The following NBPF10 variants were observed in gnomAD, a reference collection of about 807,000 sequenced individuals.
The protein encoded by NBPF10 is NBPF family member NBPF10.
Under a neutral mutation model 77.9 loss-of-function variants are expected in NBPF10, and 63 were observed. The observed-to-expected ratio is 0.81, with a 90% confidence interval of 0.66 to 1.00. The LOEUF (loss-of-function observed/expected upper bound fraction) is 1.00, where lower values mean the gene tolerates loss of function less well. Among genes scored for constraint, NBPF10 ranks in the 50% least tolerant of loss-of-function variants. NBPF10 has a pLI of 0.00. For synonymous variants in NBPF10, 146 were observed against 264.5 expected, an observed-to-expected ratio of 0.55 and a Z score of 4.35; for missense variants, 522 against 679.8, an observed-to-expected ratio of 0.77 and a Z score of 2.58.
chr1:146,125,960 G>T (rs1447084385), intron 14 of NBPF10, among the ~76,000 whole-genome samples: 2 of 151,612 alleles, frequency 1.3e-5, no homozygotes, highest in African/African-American at 2.4e-5. Context: ...AATCAGAGTT[G>T]TGTGAATTTG....
intron 7 of NBPF10, among the ~76,000 whole-genome samples, chr1:146,136,027 G>A (rs868911379): frequency 1.0e-2 from 1,489 of 149,150 alleles, no homozygotes; most frequent in Admixed American, 0.017. Context: ...CTCACTAAGG[G>A]TAAGTGGGGT....
chr1:146,069,613 T>A (rs1484388202), exon 86 of NBPF10: 4 of 1,569,254 alleles, frequency 2.5e-6, no homozygotes, highest in Non-Finnish European at 3.5e-6. Context: ...AGGGCTGGCA[T>A]GAGTCACACA....
At chr1:146,069,554 A>G (rs1571113485) in exon 86 of NBPF10, 6 of 1,032,976 alleles carry the variant, frequency 5.8e-6, no homozygotes, top group South Asian at 2.5e-5. Flanking sequence ...ATCCATGTCA[A>G]CAGCCAAGCC....
intron 89 of NBPF10, 137 bp downstream of exon 89, chr1:146,067,043 T>G: frequency 1.9e-6 from 1 of 526,928 alleles, no homozygotes; most frequent in Non-Finnish European, 3.5e-6. Context: ...TCTACTGCAA[T>G]GAAAACCAAC....
exon 86 of NBPF10, chr1:146,069,615 A>C (rs1655599469): frequency 1.3e-6 from 2 of 1,569,780 alleles, no homozygotes; most frequent in African/African-American, 3.0e-5. Context: ...GGCTGGCATG[A>C]GTCACACAGT....
At chr1:146,121,832 C>A (rs1270960674) in intron 19 of NBPF10, among the ~76,000 whole-genome samples, 162 bp from the exon 20 acceptor site, 1 of 148,056 alleles carries the variant, frequency 6.8e-6, no homozygotes, top group Non-Finnish European at 1.5e-5. Flanking sequence ...TAGAACAGGG[C>A]CAGGTAGAAA....
intron 7 of NBPF10, among the ~76,000 whole-genome samples, chr1:146,136,013 G>T (rs377461205): frequency 1.1e-3 from 166 of 149,994 alleles, no homozygotes; most frequent in South Asian, 8.2e-3. Context: ...GTCAGGAGGT[G>T]ATTCTCACTA....
At chr1:146,137,024 T>C (rs1659785966) in intron 6 of NBPF10, among the ~76,000 whole-genome samples, 4 of 124,644 alleles carry the variant, frequency 3.2e-5, no homozygotes, top group African/African-American at 1.0e-4. Flanking sequence ...CAAATGCTAA[T>C]AAAGTTTGTG....
At chr1:146,066,863 C>T (rs1179541613) in intron 89 of NBPF10, among the ~76,000 whole-genome samples, 3 of 150,988 alleles carry the variant, frequency 2.0e-5, no homozygotes, top group Non-Finnish European at 3.0e-5. Context: ...TGACTTAGTG[C>T]CCTCATGACA....
At chr1:146,125,925 T>C (rs1974317) in intron 14 of NBPF10, among the ~76,000 whole-genome samples, 1 of 151,614 alleles carries the variant, frequency 6.6e-6, no homozygotes, top group Non-Finnish European at 1.5e-5. Flanking sequence ...GGATGAAATC[T>C]ACAAGATCTA....
exon 90 of NBPF10, chr1:146,064,815 G>A (rs1204141855): frequency 1.8e-5 from 1 of 56,890 alleles, no homozygotes; most frequent in East Asian, 3.8e-4. Context: ...ATAGGCAAAA[G>A]GTTTTAATTG....
rs1475164587 is a variant in NBPF10, at chr1:146,142,229, T to C, written c.279-411A>G. Among the ~76,000 whole-genome samples, 4 of 109,566 alleles carry C rather than the reference T, an allele frequency of 3.7e-5. 1 individual carries two copies. Among genetic ancestry groups the C allele is most frequent in the Non-Finnish European group, 8.2e-5 (4 of 48,566 alleles). 71.9% of individuals were successfully genotyped at this position (109,566 alleles called of 152,430 possible). ...GTGCAGATGGGGCGAATTGAAAAGA[T>C]GAAAGAAGAAAAGAAGGACAGGGTC... On this transcript the variant is annotated intron_variant, in intron 2 of 89. Coordinates refer to ENST00000583866, the Ensembl canonical transcript of NBPF10.
chr1:146,067,165 A>G lies in NBPF10; in HGVS notation c.11144+15T>C. On this transcript the variant is annotated intron_variant, in intron 89 of 89. Transcript: ENST00000583866. Reference sequence around the variant, plus strand: ...GTTAACACAGAACTAAGGATCCACAATTGCTGAAAGTCACCTGGGGCATGG... The same window carrying G: ...GTTAACACAGAACTAAGGATCCACAGTTGCTGAAAGTCACCTGGGGCATGG... 3 of 616,704 alleles carry G rather than the reference A, an allele frequency of 4.9e-6. 1 individual carries two copies. Among genetic ancestry groups the G allele is most frequent in the Non-Finnish European group, 6.0e-6 (2 of 331,260 alleles). The allele number at this position is 616,704 out of a possible 1,614,324, so 38.2% of individuals were successfully genotyped here.
In NBPF10 at chr1:146,067,713, A is replaced by C. The variant is rs1251833293; in HGVS notation, c.11035+290T>G. On this transcript the variant is annotated intron_variant, in intron 88 of 89. Transcript: ENST00000583866. ...AAGGAAATCTACAAACCCTTGAGTC[A>C]AAATCACAGTTCTCTGAATTTGTCA... Among the ~76,000 whole-genome samples the C allele has an allele frequency of 6.7e-4, 101 of 150,074 alleles. 1 individual carries two copies. Among genetic ancestry groups the C allele is most frequent in the Non-Finnish European group, 7.9e-4 (53 of 67,444 alleles).
rs1475921209 is a variant in NBPF10 at position 146,142,243 on chromosome 1, A to G, written c.278+407T>C. On this transcript the variant is annotated intron_variant, in intron 2 of 89. Coordinates refer to ENST00000583866, the Ensembl canonical transcript of NBPF10. ...AATTGAAAAGATGAAAGAAGAAAAG[A>G]AGGACAGGGTCGAGGAGGCAACATT... Among the ~76,000 whole-genome samples the G allele has an allele frequency of 8.0e-5, 9 of 112,652 alleles. 3 individuals carry two copies. The highest frequency in any genetic ancestry group is 1.6e-4 in the Non-Finnish European group (8 of 50,090). The allele number at this position is 112,652 out of a possible 152,430, so 73.9% of individuals were successfully genotyped here. A position where few individuals can be genotyped will look rare whatever the true frequency, so the allele number is the denominator to read the frequency against.
chr1:146,069,897 G>A (rs1655652438), intron 85 of NBPF10, among the ~76,000 whole-genome samples, 182 bp from the exon 86 acceptor site: 1 of 114,066 alleles, frequency 8.8e-6, no homozygotes, highest in Non-Finnish European at 1.9e-5. Flanking sequence ...AACAATGAAA[G>A]AGAAAGACAG....
exon 90 of NBPF10, chr1:146,066,510 T>G: frequency 1.4e-6 from 1 of 689,844 alleles, no homozygotes; most frequent in Non-Finnish European, 2.3e-6. Flanking sequence ...ATCTATCCAG[T>G]GAGTCCTGTA....
intron 6 of NBPF10, 82 bp from the exon 7 acceptor site, chr1:146,136,537 C>G: frequency 1.1e-6 from 1 of 927,778 alleles, no homozygotes; most frequent in South Asian, 1.4e-5. Flanking sequence ...GGAGCCAGGT[C>G]CATCCCAAGG....
chr1:146,067,913 T>G, intron 88 of NBPF10, 90 bp downstream of exon 88: 1 of 707,050 alleles, frequency 1.4e-6, no homozygotes, highest in Non-Finnish European at 2.6e-6. Context: ...ATGACGTCTC[T>G]CGGGTCAGCA....
Sources: allele counts gnomAD v4.1 joint callset (sites outside exome capture counted in the v4.1 genomes callset), GRCh38; gene constraint gnomAD v4.1.1; transcripts MANE v1.5; gene names NCBI Gene and HGNC (gene_info 2026-07-23, HGNC 2026-07-21).